MYRIP: variants seen among roughly 807,000 people sequenced by gnomAD.
MYRIP encodes rab effector MyRIP.
A neutral mutation model predicts 98.0 loss-of-function variants in MYRIP; 49 were observed. The ratio of observed to expected loss-of-function variants is 0.50; its 90% confidence interval spans 0.40 to 0.63. MYRIP has a LOEUF of 0.63. Ranked by LOEUF, MYRIP falls within the 30% of genes least tolerant of loss-of-function variation. MYRIP has a pLI of 0.00. For synonymous variants in MYRIP, 404 were observed against 409.5 expected, an observed-to-expected ratio of 0.99 and a Z score of 0.16; for missense variants, 1,004 against 1,058.2, an observed-to-expected ratio of 0.95 and a Z score of 0.71.
At chr3:40,161,641 G>C (rs560564253) in intron 4 of MYRIP, among the ~76,000 whole-genome samples, 2 of 152,184 alleles carry the variant, frequency 1.3e-5, no homozygotes, top group South Asian at 4.1e-4. Context: ...ACACACCCAA[G>C]TCTCTCCTGT....
At chr3:40,001,886 C>G (rs1454146614) in intron 2 of MYRIP, among the ~76,000 whole-genome samples, 1 of 152,146 alleles carries the variant, frequency 6.6e-6, no homozygotes, top group Non-Finnish European at 1.5e-5. Context: ...TCAATAGACT[C>G]TGGTGACTGG....
chr3:39,864,608 T>A (rs1942569763), intron 1 of MYRIP, among the ~76,000 whole-genome samples: 2 of 152,120 alleles, frequency 1.3e-5, no homozygotes. Flanking sequence ...GTGAAAGATC[T>A]CTACAATGAG....
intron 2 of MYRIP, among the ~76,000 whole-genome samples, chr3:39,947,245 G>A (rs796701663): frequency 3.3e-5 from 5 of 151,902 alleles, no homozygotes; most frequent in African/African-American, 1.2e-4. Context: ...TTAAATGTTG[G>A]GAAATGAAAA....
chr3:40,160,805 G>A (rs1950373519), intron 4 of MYRIP, among the ~76,000 whole-genome samples: 1 of 152,148 alleles, frequency 6.6e-6, no homozygotes, highest in Admixed American at 6.5e-5. Flanking sequence ...CTAGGAAAGG[G>A]AACTCCCTGG....
chr3:40,072,350 A>G (rs555726299), intron 3 of MYRIP, among the ~76,000 whole-genome samples: 21 of 152,176 alleles, frequency 1.4e-4, no homozygotes, highest in Non-Finnish European at 2.4e-4. Context: ...CTGGGAATAT[A>G]GGCGCACACC....
chr3:39,944,738 T>C (rs1944860458), intron 2 of MYRIP, among the ~76,000 whole-genome samples: 1 of 152,178 alleles, frequency 6.6e-6, no homozygotes, highest in Non-Finnish European at 1.5e-5. Context: ...TATTGTTAGA[T>C]GAATACTGTG....
intron 2 of MYRIP, among the ~76,000 whole-genome samples, chr3:39,978,011 C>CAA (rs11436334): frequency 1.2e-4 from 18 of 151,112 alleles, no homozygotes; most frequent in African/African-American, 2.2e-4. Flanking sequence ...CATTTATCAA[C>CAA]AAAAAAAAAG....
At chr3:39,875,387 T>C (rs1942954806) in intron 1 of MYRIP, among the ~76,000 whole-genome samples, 1 of 151,474 alleles carries the variant, frequency 6.6e-6, no homozygotes, top group Non-Finnish European at 1.5e-5. Context: ...TGCTAGCTTT[T>C]GAATGTGTTT....
intron 3 of MYRIP, among the ~76,000 whole-genome samples, chr3:40,053,173 G>C (rs1395417807): frequency 6.6e-6 from 1 of 152,040 alleles, no homozygotes; most frequent in East Asian, 1.9e-4. Flanking sequence ...GCCTAGTGTT[G>C]CCCTTCCCCC....
At chr3:39,876,150 A>T (rs1302552178) in intron 1 of MYRIP, among the ~76,000 whole-genome samples, 3 of 152,078 alleles carry the variant, frequency 2.0e-5, no homozygotes, top group Non-Finnish European at 4.4e-5. Flanking sequence ...TTTATCAGAG[A>T]CTAGCATTGC....
intron 2 of MYRIP, among the ~76,000 whole-genome samples, chr3:40,035,766 T>C (rs556716191): frequency 6.6e-6 from 1 of 151,998 alleles, no homozygotes; most frequent in Non-Finnish European, 1.5e-5. Flanking sequence ...ATATTTAAAA[T>C]AATTTTTAAA....
intron 3 of MYRIP, among the ~76,000 whole-genome samples, chr3:40,097,796 T>C (rs1948860859): frequency 6.6e-6 from 1 of 152,158 alleles, no homozygotes; most frequent in African/African-American, 2.4e-5. Flanking sequence ...ACCCATTTGG[T>C]GGTCTCGTCT....
At chr3:39,851,799 T>C (rs921097075) in intron 1 of MYRIP, among the ~76,000 whole-genome samples, 2 of 152,052 alleles carry the variant, frequency 1.3e-5, no homozygotes, top group Non-Finnish European at 2.9e-5. Flanking sequence ...GGAGAGGCAA[T>C]GGTTCAAATA....
chr3:40,245,355 A>T (rs1241193201), intron 13 of MYRIP, among the ~76,000 whole-genome samples: 1 of 152,150 alleles, frequency 6.6e-6, no homozygotes, highest in Non-Finnish European at 1.5e-5. Flanking sequence ...TTTCTTTAAA[A>T]GGGCTCCATG....
chr3:39,928,293 T>C (rs1051327979), intron 2 of MYRIP, among the ~76,000 whole-genome samples: 1 of 151,072 alleles, frequency 6.6e-6, no homozygotes. Context: ...GCAGAAAATA[T>C]AGGAGGGACT....
chr3:39,892,104 T>A (rs955520362), intron 1 of MYRIP, among the ~76,000 whole-genome samples: 5 of 152,284 alleles, frequency 3.3e-5, no homozygotes, highest in East Asian at 1.9e-4. Flanking sequence ...TCATTATTTT[T>A]AAAAATTTAT....
chr3:40,226,349 T>TCC (rs1217049833), intron 11 of MYRIP, among the ~76,000 whole-genome samples: 2 of 152,166 alleles, frequency 1.3e-5, no homozygotes, highest in East Asian at 3.9e-4. Context: ...CCTTGCCAGC[T>TCC]CCCTCTTCTT....
At chr3:39,865,206 G>A (rs1354897708) in intron 1 of MYRIP, among the ~76,000 whole-genome samples, 1 of 152,060 alleles carries the variant, frequency 6.6e-6, no homozygotes, top group Non-Finnish European at 1.5e-5. Flanking sequence ...AACCTTAGAC[G>A]ATAACCTAGG....
At chr3:40,026,544 G>A (rs1049292861) in intron 2 of MYRIP, among the ~76,000 whole-genome samples, 1 of 152,138 alleles carries the variant, frequency 6.6e-6, no homozygotes, top group Non-Finnish European at 1.5e-5. Context: ...GAAATTATAA[G>A]AGTATTATTA....
Sources: allele counts gnomAD v4.1 joint callset (sites outside exome capture counted in the v4.1 genomes callset), GRCh38; gene constraint gnomAD v4.1.1; transcripts MANE v1.5; gene names NCBI Gene and HGNC (gene_info 2026-07-23, HGNC 2026-07-21).